The following ASAH1 variants were observed in gnomAD, a reference collection of about 807,000 sequenced individuals.
The protein encoded by ASAH1 is N-acylsphingosine amidohydrolase 1, also known as acid ceramidase.
ASAH1 carries 70 observed loss-of-function variants against 59.5 expected under a neutral mutation model. The observed-to-expected ratio is 1.18, with a 90% CI of 0.97 to 1.43. The LOEUF (loss-of-function observed/expected upper bound fraction) is 1.43. Ranked by LOEUF, ASAH1 falls within the 40% of genes most tolerant of loss-of-function variation. ASAH1 has a pLI of 0.00. For synonymous variants in ASAH1, 213 were observed against 166.5 expected (o/e 1.28, Z -2.15); for missense variants, 660 against 482.5 (o/e 1.37, Z -3.45).
rs775990135 is a variant in ASAH1 at position 18,084,014 on chromosome 8, G to C, written c.45C>G (p.Ala15=). ...CGTGCTGCGCGACGGCACAGCTGAC[G>C]GCGGCAGCCAGGAGGACTAAGGCGA... ...SCVALVLLAA[A]VSCAVAQHAP... is the part of the protein sequence containing the mutation. Residue 15 remains alanine (A), a synonymous_variant, in exon 1 of 14, where the codon GCC becomes GCG. Coordinates refer to ENST00000637790, the MANE Select transcript of ASAH1 (RefSeq NM_177924.5). 7 of 1,598,308 alleles carry C rather than the reference G, an allele frequency of 4.4e-6. No individual in the cohort carries two copies. Among genetic ancestry groups the C allele is most frequent in the African/African-American group, 1.3e-5 (1 of 74,918 alleles).
intron 3 of ASAH1, among the ~76,000 whole-genome samples, chr8:18,070,360 G>C (rs1800112069): frequency 6.6e-6 from 1 of 152,198 alleles, no homozygotes; most frequent in Non-Finnish European, 1.5e-5. Flanking sequence ...ATCTTGGCCA[G>C]GCTGGTCTCG....
upstream of ASAH1, chr8:18,084,673 C>A: frequency 6.2e-7 from 1 of 1,613,426 alleles, no homozygotes; most frequent in South Asian, 1.1e-5. Flanking sequence ...GTTGGTTACC[C>A]ACTTGGGCTT....
At chr8:18,057,744 CTT>C (rs1554807816) in intron 13 of ASAH1, 121 bp from the exon 14 acceptor site, 68 of 479,970 alleles carry the variant, frequency 1.4e-4, no homozygotes, top group East Asian at 1.2e-3. Context: ...AATAATATAA[CTT>C]AATATATGCA....
At chr8:18,059,495 G>A in intron 11 of ASAH1, 31 bp from the exon 12 acceptor site, 2 of 1,614,086 alleles carry the variant, frequency 1.2e-6, no homozygotes, top group South Asian at 1.1e-5. Flanking sequence ...TCCCTCTTAG[G>A]CTACATGCCT....
intron 10 of ASAH1, chr8:18,060,998 C>T (rs1799670943): frequency 4.9e-6 from 1 of 205,640 alleles, no homozygotes; most frequent in African/African-American, 2.4e-5. Context: ...AGTCATCTGT[C>T]TATCTCAGCC....
chr8:18,076,307 TCAA>T (rs1377541973), intron 1 of ASAH1: 1 of 153,778 alleles, frequency 6.5e-6, no homozygotes, highest in Non-Finnish European at 1.4e-5. Flanking sequence ...CACACTCTCA[TCAA>T]CATGTTTATG....
intron 1 of ASAH1, 49 bp from the exon 2 acceptor site, chr8:18,075,636 A>G (rs754933714): frequency 6.4e-7 from 1 of 1,565,794 alleles, no homozygotes; most frequent in African/African-American, 1.4e-5. Context: ...ATGCTTGCCA[A>G]CGGAATAAGC....
intron 7 of ASAH1, chr8:18,062,740 C>G (rs1212324422): frequency 4.8e-6 from 2 of 414,524 alleles, no homozygotes; most frequent in African/African-American, 2.0e-5. Flanking sequence ...GAGCATGTCC[C>G]TCTTGTCTCA....
rs372661447 is a variant in ASAH1, at chr8:18,057,618, G to A, written c.1104C>T (p.Thr368=). 19 of 1,598,590 alleles carry A rather than the reference G, an allele frequency of 1.2e-5. No homozygotes were observed. Among genetic ancestry groups the A allele is most frequent in the Admixed American group, 1.0e-4 (6 of 59,522 alleles). The change falls in exon 14 of 14, where the codon ACC becomes ACT. Residue 368 remains threonine (T), a synonymous_variant. Transcript: ENST00000637790. The part of the protein sequence containing the change: ...LSTKPVLNKL[T]VYTTLIDVTK... ...TAACATCTATCAAGGTTGTGTATAC[G>A]GTCAGCTGAAAGAAAAGTTATTTTT... is the stretch of plus-strand genomic sequence containing the variant.
At position 18,084,038 on chromosome 8, in the gene ASAH1, G is replaced by A. The variant is rs1800781360; in HGVS notation, c.21C>T (p.Val7=). The A allele has an allele frequency of 6.3e-7, 1 of 1,598,778 alleles. No homozygotes were observed. Among genetic ancestry groups the A allele is most frequent in the Non-Finnish European group, 8.5e-7 (1 of 1,179,672 alleles). The change falls in exon 1 of 14, where the codon GTC becomes GTT. Residue 7 remains valine (V), a synonymous_variant. Transcript: ENST00000637790. Reference sequence around the variant, plus strand: ...CGGCGGCAGCCAGGAGGACTAAGGCGACGCAACTCCGGCCCGGCATCGCTC... The same window carrying A: ...CGGCGGCAGCCAGGAGGACTAAGGCAACGCAACTCCGGCCCGGCATCGCTC... MPGRSC[V]ALVLLAAAVS...
chr8:18,081,890 G>C (rs1800670567), intron 1 of ASAH1, among the ~76,000 whole-genome samples: 1 of 152,238 alleles, frequency 6.6e-6, no homozygotes, highest in Non-Finnish European at 1.5e-5. Flanking sequence ...ATGGATCCCA[G>C]GATTTTCCAG....
In ASAH1 at chr8:18,064,569, CA is replaced by C. The variant is rs1369427174; in HGVS notation, c.383-39del. 31 of 1,166,402 alleles carry C rather than the reference CA, an allele frequency of 2.7e-5. No homozygotes were observed. The South Asian group carries it at 3.3e-4, about 13-fold the overall frequency. 72.3% of individuals were successfully genotyped at this position (1,166,402 alleles called of 1,614,324 possible). ...AAAATTTTGTGTTAATATACAGAAC[CA>C]TGACAATGGGAGAAAAATTTGTTTT... On this transcript the variant is annotated intron_variant, in intron 5 of 13. Transcript: ENST00000637790.
chr8:18,084,479 C>T (rs1271610619), upstream of ASAH1: 2 of 1,312,974 alleles, frequency 1.5e-6, no homozygotes, highest in African/African-American at 2.9e-5. Flanking sequence ...TCCTCGGTAC[C>T]CACGAAACGG....
chr8:18,082,801 T>G (rs1029532890), intron 1 of ASAH1, among the ~76,000 whole-genome samples: 1 of 152,188 alleles, frequency 6.6e-6, no homozygotes, highest in Non-Finnish European at 1.5e-5. Flanking sequence ...CCTGGTGGTC[T>G]TTCAATGAAG....
chr8:18,076,835 A>G (rs770815113), intron 1 of ASAH1, among the ~76,000 whole-genome samples: 1 of 152,226 alleles, frequency 6.6e-6, no homozygotes, highest in Non-Finnish European at 1.5e-5. Context: ...TTTTGATAAC[A>G]TGGGGAATAT....
Position 18,059,377 on chromosome 8 carries a change from C to T in ASAH1, c.1005G>A (p.Thr335=), listed in dbSNP as rs779213576. 24 of 1,614,080 alleles carry T rather than the reference C, an allele frequency of 1.5e-5. No homozygotes were observed. In the African/African-American group the frequency reaches 1.6e-4, roughly 11 times the overall value. ...TGCGGTTCAGACACATCTTTGCAGG[C>T]GTTCTGCGATCATCAAGGAAGAAGG... The part of the protein sequence containing the change: ...KHPFFLDDRR[T]PAKMCLNRTS... The change falls in exon 12 of 14, where the codon ACG becomes ACA. Residue 335 remains threonine, a synonymous_variant. Coordinates refer to ENST00000637790, the MANE Select transcript of ASAH1 (RefSeq NM_177924.5).
chr8:18,065,012 T>C (rs1799872970), intron 5 of ASAH1: 1 of 154,692 alleles, frequency 6.5e-6, no homozygotes, highest in African/African-American at 2.4e-5. Context: ...TTTTGAATAT[T>C]TTCCCAAAAT....
intron 10 of ASAH1, chr8:18,060,732 T>C (rs554689018): frequency 6.5e-6 from 1 of 152,782 alleles, no homozygotes; most frequent in African/African-American, 2.4e-5. Flanking sequence ...GGTTAATATG[T>C]AGTACATTTT....
At chr8:18,077,521 T>C (rs755612346) in intron 1 of ASAH1, among the ~76,000 whole-genome samples, 4 of 152,222 alleles carry the variant, frequency 2.6e-5, no homozygotes, top group Non-Finnish European at 4.4e-5. Context: ...AACTTGGCAA[T>C]GATCATCTAA....
Sources: gnomAD v4.1 joint callset for allele counts (sites outside exome capture counted in the v4.1 genomes callset) on GRCh38, gnomAD v4.1.1 for gene constraint, MANE v1.5 for transcripts, NCBI Gene and HGNC (gene_info 2026-07-23, HGNC 2026-07-21) for gene names.